The following PEPD variants were observed in gnomAD, a reference collection of about 807,000 sequenced individuals.
The protein encoded by PEPD is xaa-Pro dipeptidase.
Under a neutral mutation model 60.7 loss-of-function variants are expected in PEPD, and 53 were observed. The ratio of observed to expected loss-of-function variants is 0.87; its 90% confidence interval spans 0.70 to 1.10. PEPD has a LOEUF of 1.10. Ranked by LOEUF, PEPD falls within the 50% of genes least tolerant of loss-of-function variation. PEPD has a pLI of 0.00. For missense variants in PEPD, 711 were observed against 711.9 expected (o/e 1.00, Z 0.01); for synonymous variants, 267 against 284.1 (o/e 0.94, Z 0.60).
intron 11 of PEPD, among the ~76,000 whole-genome samples, chr19:33,404,468 A>T (rs1194840524): frequency 6.6e-6 from 1 of 152,124 alleles, no homozygotes; most frequent in Non-Finnish European, 1.5e-5. Flanking sequence ...AACAACAACA[A>T]CAACAACAAC....
intron 7 of PEPD, among the ~76,000 whole-genome samples, chr19:33,471,275 T>C (rs1380228897): frequency 6.6e-6 from 1 of 152,182 alleles, no homozygotes; most frequent in East Asian, 1.9e-4. Flanking sequence ...CGTAGGGCAC[T>C]CTGGGCCTGA....
At chr19:33,485,492 A>T (rs1418932427) in intron 6 of PEPD, among the ~76,000 whole-genome samples, 4 of 59,470 alleles carry the variant, frequency 6.7e-5, no homozygotes, top group South Asian at 3.3e-4. Flanking sequence ...GACTCTGTCT[A>T]AAAAAAAAAA....
At chr19:33,428,105 G>A (rs1238168035) in intron 9 of PEPD, among the ~76,000 whole-genome samples, 1 of 152,132 alleles carries the variant, frequency 6.6e-6, no homozygotes, top group East Asian at 1.9e-4. Flanking sequence ...TGCATAGCCA[G>A]GAGCCAGGAA....
Position 33,482,604 on chromosome 19 carries a change from C to T in PEPD, c.504-4514G>A, listed in dbSNP as rs531933082. On this transcript the variant is annotated intron_variant, in intron 6 of 14. Transcript: ENST00000244137. ...TACTGGAGGTTCTAGCCAAGGCAAACAGGCAAGAAAAGACATGAAAGGCAT... is the reference window on the plus strand; with the variant it reads ...TACTGGAGGTTCTAGCCAAGGCAAATAGGCAAGAAAAGACATGAAAGGCAT... Among the ~76,000 whole-genome samples the T allele has an allele frequency of 2.8e-3, 427 of 152,292 alleles. 2 individuals carry two copies. Among genetic ancestry groups the T allele is most frequent in the Admixed American group, 3.6e-3 (55 of 15,304 alleles).
intron 9 of PEPD, among the ~76,000 whole-genome samples, chr19:33,419,560 G>T (rs149864451): frequency 1.8e-3 from 280 of 152,334 alleles, no homozygotes; most frequent in African/African-American, 6.5e-3. Context: ...GTCTCCGACT[G>T]CAAAGCTTAT....
At position 33,387,291 on chromosome 19, in the gene PEPD, G is replaced by A. The variant is rs77690463; in HGVS notation, c.*53C>T. The A allele has an allele frequency of 3.4e-3, 5,503 of 1,608,558 alleles. 200 individuals are homozygous for A. The East Asian group carries it at 0.092, about 27-fold the overall frequency. ...TGCTGACCAGCAGGCTGCCCATCACGAAAAGAGGTTGCAAGGCCAGGCCCC... is the reference window on the plus strand; with the variant it reads ...TGCTGACCAGCAGGCTGCCCATCACAAAAAGAGGTTGCAAGGCCAGGCCCC... On this transcript the variant is annotated 3_prime_UTR_variant, in exon 15 of 15. Transcript: ENST00000244137.
intron 9 of PEPD, among the ~76,000 whole-genome samples, chr19:33,443,758 G>A (rs988710040): frequency 3.3e-5 from 5 of 152,224 alleles, no homozygotes; most frequent in Non-Finnish European, 7.3e-5. Context: ...GAGGGGGTGC[G>A]CGTAATGGGT....
intron 9 of PEPD, among the ~76,000 whole-genome samples, chr19:33,458,755 TA>T: frequency 7.9e-6 from 1 of 127,166 alleles, no homozygotes; most frequent in Non-Finnish European, 1.7e-5. Flanking sequence ...GAGGTGTACG[TA>T]GTGTGTATGG....
chr19:33,396,333 G>A (rs940729525), intron 12 of PEPD, among the ~76,000 whole-genome samples: 4 of 152,224 alleles, frequency 2.6e-5, no homozygotes, highest in Non-Finnish European at 4.4e-5. Flanking sequence ...CCCTGACCAC[G>A]GGGCCACAGG....
Position 33,458,969 on chromosome 19 carries a change from A to G in PEPD, c.671+4026T>C, listed in dbSNP as rs539296961. On this transcript the variant is annotated intron_variant, in intron 9 of 14. Transcript: ENST00000244137. ...TCTGTACTCGAGGGGCGCTGGGCAC[A>G]CAGAATCACAACTTGCTCCATGTGG... Among the ~76,000 whole-genome samples the G allele has an allele frequency of 2.7e-3, 381 of 142,802 alleles. 1 individual carries two copies. The highest frequency in any genetic ancestry group is 0.011 in the Middle Eastern group (3 of 282). The allele number at this position is 142,802 out of a possible 152,430, so 93.7% of individuals were successfully genotyped here. A position where few individuals can be genotyped will look rare whatever the true frequency, so the allele number is the denominator to read the frequency against.
Position 33,521,151 on chromosome 19 carries a change from C to T in PEPD, c.17+593G>A, listed in dbSNP as rs77382949. Among the ~76,000 whole-genome samples, 756 of 152,292 alleles carry T rather than the reference C, an allele frequency of 5.0e-3. 5 individuals are homozygous for T. Among genetic ancestry groups the T allele is most frequent in the African/African-American group, 0.017 (713 of 41,558 alleles). ...GGAGCACCTACTGTGTGCAAGGCACCGGGCTACTGAGAAGCAGGTAACATA... is the reference window on the plus strand; with the variant it reads ...GGAGCACCTACTGTGTGCAAGGCACTGGGCTACTGAGAAGCAGGTAACATA... On this transcript the variant is annotated intron_variant, in intron 1 of 14. Transcript: ENST00000244137.
intron 7 of PEPD, among the ~76,000 whole-genome samples, chr19:33,466,238 T>C (rs1970015013): frequency 6.6e-6 from 1 of 152,138 alleles, no homozygotes; most frequent in Admixed American, 6.5e-5. Flanking sequence ...GAAAGGCAAA[T>C]TAAAACTCTA....
chr19:33,448,518 G>GA lies in PEPD; in HGVS notation c.671+14476dup, dbSNP rs904634908. 1.3e-5 allele frequency among the ~76,000 whole-genome samples: 2 copies of GA among 151,168 alleles called. 1 individual carries two copies. Among genetic ancestry groups the GA allele is most frequent in the South Asian group, 4.2e-4 (2 of 4,808 alleles). On this transcript the variant is annotated intron_variant, in intron 9 of 14. Transcript: ENST00000244137. ...TGGCCAGGTAGTGGCATGCAAAACA[G>GA]AAAAAAAAGTCTTTTTTTTTCCCCA... is the stretch of plus-strand genomic sequence containing the variant.
At chr19:33,388,261 C>T in intron 13 of PEPD, 180 bp from the exon 14 acceptor site, 1 of 703,126 alleles carries the variant, frequency 1.4e-6, no homozygotes, top group Non-Finnish European at 2.6e-6. Context: ...AGACCTTCCA[C>T]CCTGCACATA....
At chr19:33,434,371 C>T (rs796775646) in intron 9 of PEPD, among the ~76,000 whole-genome samples, 12 of 152,198 alleles carry the variant, frequency 7.9e-5, no homozygotes, top group African/African-American at 2.9e-4. Context: ...TTTGTGTGGA[C>T]GCTGCCAGCT....
At chr19:33,492,877 T>C (rs116111255) in intron 5 of PEPD, among the ~76,000 whole-genome samples, 131 of 152,156 alleles carry the variant, frequency 8.6e-4, no homozygotes, top group Middle Eastern at 3.4e-3. Context: ...TTCCTCTTGG[T>C]TTATTTTTTT....
intron 9 of PEPD, among the ~76,000 whole-genome samples, chr19:33,439,427 C>G (rs1032344548): frequency 6.6e-6 from 1 of 152,216 alleles, no homozygotes; most frequent in Non-Finnish European, 1.5e-5. Context: ...ATAGGCGGGT[C>G]CGAGTAAAGA....
intron 6 of PEPD, among the ~76,000 whole-genome samples, chr19:33,485,281 G>A (rs550221817): frequency 4.6e-5 from 7 of 152,086 alleles, no homozygotes; most frequent in Non-Finnish European, 7.4e-5. Context: ...ATCACCTAAG[G>A]TCAGGAGCTC....
At chr19:33,517,836 G>A (rs1971052399) in intron 1 of PEPD, among the ~76,000 whole-genome samples, 1 of 147,970 alleles carries the variant, frequency 6.8e-6, no homozygotes, top group African/African-American at 2.5e-5. Context: ...GCATGGTAGT[G>A]GGCACCTGTA....
Sources: allele counts gnomAD v4.1 joint callset (sites outside exome capture counted in the v4.1 genomes callset), GRCh38; gene constraint gnomAD v4.1.1; transcripts MANE v1.5; gene names NCBI Gene and HGNC (gene_info 2026-07-23, HGNC 2026-07-21).